PELI2: variants seen among roughly 807,000 people sequenced by gnomAD.
PELI2 encodes pellino E3 ubiquitin protein ligase family member 2.
PELI2 carries 23 observed loss-of-function variants against 42.3 expected under a neutral mutation model. The ratio of observed to expected loss-of-function variants is 0.54; its 90% CI spans 0.39 to 0.77. The LOEUF (loss-of-function observed/expected upper bound fraction) is 0.77, where lower values mean the gene tolerates loss of function less well. Among genes scored for constraint, PELI2 ranks in the 30% least tolerant of loss-of-function variants. The pLI, the probability that PELI2 is intolerant of heterozygous loss-of-function variation, is 0.00. For missense variants in PELI2, 463 were observed against 553.2 expected, an observed-to-expected ratio of 0.84 and a Z score of 1.64; for synonymous variants, 245 against 212.2, an observed-to-expected ratio of 1.15 and a Z score of -1.34.
At chr14:56,198,129 A>G (rs1886206845) in intron 2 of PELI2, among the ~76,000 whole-genome samples, 1 of 152,216 alleles carries the variant, frequency 6.6e-6, no homozygotes, top group Non-Finnish European at 1.5e-5. Context: ...ACTCTCTCAG[A>G]GGAATAATTA....
chr14:56,161,079 C>T (rs1382327803), intron 1 of PELI2, among the ~76,000 whole-genome samples: 1 of 152,142 alleles, frequency 6.6e-6, no homozygotes, highest in Non-Finnish European at 1.5e-5. Flanking sequence ...GGAAGATGAA[C>T]TTACGTTGTC....
chr14:56,119,900 G>C (rs1175995614), intron 1 of PELI2: 1 of 960,376 alleles, frequency 1.0e-6, no homozygotes, highest in Non-Finnish European at 1.2e-6. Context: ...ATGGCTGTGG[G>C]AAGACTCAGG....
At chr14:56,177,276 C>T (rs1885415845) in intron 1 of PELI2, among the ~76,000 whole-genome samples, 1 of 152,200 alleles carries the variant, frequency 6.6e-6, no homozygotes, top group Non-Finnish European at 1.5e-5. Flanking sequence ...CTTGCTTCCC[C>T]TGTCCGGCCA....
chr14:56,280,354 T>C (rs564691607), intron 3 of PELI2, among the ~76,000 whole-genome samples: 1 of 151,932 alleles, frequency 6.6e-6, no homozygotes, highest in African/African-American at 2.4e-5. Context: ...GTATATAATA[T>C]AAAGTCTAGA....
intron 2 of PELI2, among the ~76,000 whole-genome samples, chr14:56,195,893 A>G (rs1229711003): frequency 6.6e-6 from 1 of 152,228 alleles, no homozygotes; most frequent in Non-Finnish European, 1.5e-5. Flanking sequence ...TTCAGGCAGC[A>G]TGTGACAGTG....
intron 1 of PELI2, chr14:56,145,115 A>C (rs1446746136): frequency 8.3e-6 from 2 of 240,766 alleles, no homozygotes; most frequent in African/African-American, 4.6e-5. Context: ...CAGGCTGTGC[A>C]GGTAGTGTGG....
intron 2 of PELI2, among the ~76,000 whole-genome samples, chr14:56,207,730 G>C (rs1424651570): frequency 1.3e-5 from 2 of 152,192 alleles, no homozygotes; most frequent in Non-Finnish European, 1.5e-5. Flanking sequence ...AAGGCCAAAA[G>C]GGATAGAAAC....
chr14:56,131,626 TATC>T (rs1449286417), intron 1 of PELI2, among the ~76,000 whole-genome samples: 1 of 152,214 alleles, frequency 6.6e-6, no homozygotes, highest in Non-Finnish European at 1.5e-5. Flanking sequence ...ATTATTGTCT[TATC>T]ATGGTTGCCT....
intron 2 of PELI2, among the ~76,000 whole-genome samples, chr14:56,215,343 T>C (rs1448511640): frequency 6.6e-6 from 1 of 152,232 alleles, no homozygotes; most frequent in African/African-American, 2.4e-5. Flanking sequence ...ATACTGTTGC[T>C]GTAGCGAAAC....
At chr14:56,261,333 C>T (rs1021695725) in intron 2 of PELI2, among the ~76,000 whole-genome samples, 20 of 152,070 alleles carry the variant, frequency 1.3e-4, no homozygotes, top group Admixed American at 6.6e-4. Flanking sequence ...TCTGTTCATT[C>T]GTTCATGAGT....
At position 56,290,250 on chromosome 14, in the gene PELI2, C is replaced by T. The variant is rs1450553398; in HGVS notation, c.508-18C>T. The T allele has an allele frequency of 2.0e-6, 3 of 1,507,442 alleles. No homozygotes were observed. Among genetic ancestry groups the T allele is most frequent in the Admixed American group, 3.9e-5 (2 of 50,922 alleles). 93.4% of individuals were successfully genotyped at this position (1,507,442 alleles called of 1,614,324 possible). Reference sequence around the variant, plus strand: ...ATCATCTTAACCTACTTTTTCTGTTCTGCTGTGTTCTCTCCAGGAAAAGGC... The same window carrying T: ...ATCATCTTAACCTACTTTTTCTGTTTTGCTGTGTTCTCTCCAGGAAAAGGC... On this transcript the variant is annotated intron_variant, in intron 4 of 5. Coordinates refer to ENST00000267460, the MANE Select transcript of PELI2 (RefSeq NM_021255.3).
chr14:56,130,043 G>A (rs1883427730), intron 1 of PELI2, among the ~76,000 whole-genome samples: 1 of 145,672 alleles, frequency 6.9e-6, no homozygotes, highest in Non-Finnish European at 1.5e-5. Flanking sequence ...CCTTAAAGAG[G>A]AAGCATCGAG....
intron 3 of PELI2, among the ~76,000 whole-genome samples, chr14:56,281,415 C>T (rs1371556821): frequency 1.3e-5 from 2 of 152,024 alleles, no homozygotes; most frequent in East Asian, 3.9e-4. Context: ...TTTATATGCA[C>T]ACACATAAAC....
chr14:56,200,501 C>A (rs1886296741), intron 2 of PELI2, among the ~76,000 whole-genome samples: 2 of 152,330 alleles, frequency 1.3e-5, no homozygotes, highest in East Asian at 1.9e-4. Flanking sequence ...ACTCTACTGC[C>A]TTCGTTACCC....
chr14:56,256,458 G>GA (rs944601086), intron 2 of PELI2, among the ~76,000 whole-genome samples: 12 of 142,626 alleles, frequency 8.4e-5, no homozygotes, highest in South Asian at 6.7e-4. Flanking sequence ...TCTCAAAAAA[G>GA]AAAAAAAAAA....
intron 2 of PELI2, among the ~76,000 whole-genome samples, chr14:56,218,975 G>A (rs1338327146): frequency 1.3e-5 from 2 of 152,082 alleles, no homozygotes; most frequent in South Asian, 2.1e-4. Flanking sequence ...CAGTGCTCTC[G>A]CACTGCTTTT....
chr14:56,135,851 G>A (rs1883670656), intron 1 of PELI2, among the ~76,000 whole-genome samples: 1 of 152,224 alleles, frequency 6.6e-6, no homozygotes, highest in African/African-American at 2.4e-5. Flanking sequence ...CTTTTGGACT[G>A]TGGAAGTTTT....
At position 56,227,149 on chromosome 14, in the gene PELI2, C is replaced by T. The variant is rs539900867; in HGVS notation, c.207+48685C>T. On this transcript the variant is annotated intron_variant, in intron 2 of 5. Coordinates refer to ENST00000267460, the MANE Select transcript of PELI2 (RefSeq NM_021255.3). Reference sequence around the variant, plus strand: ...CTTCCAGTTGCTCAACATTTCAGCCCAGAAGTCATTAGGTGGGCCTGGGCA... The same window carrying T: ...CTTCCAGTTGCTCAACATTTCAGCCTAGAAGTCATTAGGTGGGCCTGGGCA... Among the ~76,000 whole-genome samples the T allele has an allele frequency of 1.1e-3, 167 of 152,272 alleles. 1 individual carries two copies. Among genetic ancestry groups the T allele is most frequent in the African/African-American group, 3.7e-3 (154 of 41,550 alleles).
rs1470006941 is a variant in PELI2, at chr14:56,273,860, T to A, written c.208-5816T>A. Among the ~76,000 whole-genome samples, 1 of 152,194 alleles carries A rather than the reference T, an allele frequency of 6.6e-6. No homozygotes were observed. The highest frequency in any genetic ancestry group is 2.4e-5 in the African/African-American group (1 of 41,452). On this transcript the variant is annotated intron_variant, in intron 2 of 5. Coordinates refer to ENST00000267460, the MANE Select transcript of PELI2 (RefSeq NM_021255.3). The surrounding 1 kb of genome is among the most constrained non-coding windows in gnomAD (Gnocchi z 4.3). ...ACGAAAAGCAGCCTAAAACCCTGATTTTTATTCCAGAGGTCTGGGGACAGG... is the reference window on the plus strand; with the variant it reads ...ACGAAAAGCAGCCTAAAACCCTGATATTTATTCCAGAGGTCTGGGGACAGG...
Sources: gnomAD v4.1 joint callset for allele counts (sites outside exome capture counted in the v4.1 genomes callset) on GRCh38, gnomAD v4.1.1 for gene constraint, Gnocchi (gnomAD v3.1) non-coding constraint, MANE v1.5 for transcripts, NCBI Gene and HGNC (gene_info 2026-07-23, HGNC 2026-07-21) for gene names.